DLG2: variants seen among roughly 807,000 people sequenced by gnomAD.
DLG2 encodes the protein discs large MAGUK scaffold protein 2.
A neutral mutation model predicts 132.5 loss-of-function variants in DLG2; 45 were observed. The observed-to-expected ratio is 0.34, with a 90% CI of 0.27 to 0.44. DLG2 has a LOEUF of 0.44. DLG2 is among the 20% of genes least tolerant of loss of function. The pLI is 1.00. For missense variants in DLG2, 1,045 were observed against 1,196.9 expected, an observed-to-expected ratio of 0.87 and a Z score of 1.87; for synonymous variants, 424 against 419.6, an observed-to-expected ratio of 1.01 and a Z score of -0.13.
intron 6 of DLG2, among the ~76,000 whole-genome samples, chr11:84,843,123 T>C (rs985462470): frequency 5.9e-5 from 9 of 152,002 alleles, no homozygotes; most frequent in Admixed American, 1.3e-4. Context: ...AGAAGATACA[T>C]CTTTAAAAGA....
chr11:84,740,582 T>G (rs1484470874), intron 6 of DLG2, among the ~76,000 whole-genome samples: 1 of 152,122 alleles, frequency 6.6e-6, no homozygotes, highest in Non-Finnish European at 1.5e-5. Context: ...TGGAGGCCAG[T>G]AGCTACTGCA....
intron 7 of DLG2, among the ~76,000 whole-genome samples, chr11:84,397,634 G>A (rs1567525150): frequency 6.6e-6 from 1 of 152,222 alleles, no homozygotes; most frequent in Non-Finnish European, 1.5e-5. Context: ...GCATGACTAT[G>A]TGGTCAACAG....
chr11:84,733,167 T>G (rs58399948), intron 6 of DLG2, among the ~76,000 whole-genome samples: 3,617 of 152,238 alleles, frequency 0.024, 54 homozygotes, highest in African/African-American at 0.033. Flanking sequence ...GTAATGGGAT[T>G]GCTGGGTCAA....
chr11:84,674,617 A>G (rs957339423), intron 6 of DLG2, among the ~76,000 whole-genome samples: 3 of 152,152 alleles, frequency 2.0e-5, no homozygotes, highest in African/African-American at 4.8e-5. Context: ...GACCACTGTG[A>G]CATGTTCTGT....
chr11:84,470,219 A>T (rs1228129500), intron 7 of DLG2, among the ~76,000 whole-genome samples: 2 of 151,720 alleles, frequency 1.3e-5, no homozygotes, highest in African/African-American at 2.4e-5. Flanking sequence ...ATCAGGAAAG[A>T]TAAGAGGAAA....
At chr11:85,579,605 G>C (rs1046563647) in intron 3 of DLG2, among the ~76,000 whole-genome samples, 2 of 152,130 alleles carry the variant, frequency 1.3e-5, no homozygotes, top group Admixed American at 6.6e-5. Context: ...TTGTACCTTG[G>C]GTGGAGAGTG....
chr11:84,308,506 G>A (rs1158677616), intron 7 of DLG2, among the ~76,000 whole-genome samples: 4 of 152,348 alleles, frequency 2.6e-5, no homozygotes, highest in African/African-American at 9.6e-5. Flanking sequence ...ATCCCGCACG[G>A]GGGCCACAGG....
intron 9 of DLG2, among the ~76,000 whole-genome samples, chr11:84,100,710 G>A (rs2092448422): frequency 6.6e-6 from 1 of 152,064 alleles, no homozygotes; most frequent in African/African-American, 2.4e-5. Context: ...AAAAAGAGAT[G>A]AGGACTATGA....
At chr11:83,471,170 G>A (rs962218956) in intron 24 of DLG2, among the ~76,000 whole-genome samples, 3 of 152,100 alleles carry the variant, frequency 2.0e-5, no homozygotes, top group Admixed American at 6.6e-5. Flanking sequence ...ACCTGGGACT[G>A]TCAACATGGG....
intron 3 of DLG2, among the ~76,000 whole-genome samples, chr11:85,517,692 C>A (rs557233308): frequency 1.3e-5 from 2 of 151,970 alleles, no homozygotes; most frequent in Non-Finnish European, 2.9e-5. Flanking sequence ...TCGCTCACTG[C>A]AGTCTTGAAT....
At chr11:85,132,258 A>AT (rs796815868) in intron 5 of DLG2, among the ~76,000 whole-genome samples, 19 of 152,216 alleles carry the variant, frequency 1.2e-4, no homozygotes, top group African/African-American at 4.1e-4. Context: ...GGGCCTTGAG[A>AT]TTTTTTTCCT....
intron 3 of DLG2, among the ~76,000 whole-genome samples, chr11:85,325,340 C>T (rs977749983): frequency 6.6e-6 from 1 of 152,004 alleles, no homozygotes; most frequent in Non-Finnish European, 1.5e-5. Context: ...AACAAAAAGA[C>T]AGCAGTAACC....
In DLG2 at chr11:84,873,897, G is replaced by A. The variant is rs1270854424; in HGVS notation, c.357+237764C>T. On this transcript the variant is annotated intron_variant, in intron 6 of 27. Transcript: ENST00000376104. ...AAAGATGACTAATGGTCTAATGACA[G>A]TCCACAAGATATGGAGCGGAATCAT... is the stretch of plus-strand genomic sequence containing the variant. 7.9e-5 allele frequency among the ~76,000 whole-genome samples: 12 copies of A among 152,216 alleles called. 1 individual carries two copies. The highest frequency in any genetic ancestry group is 2.6e-4 in the Admixed American group (4 of 15,290).
At chr11:84,452,034 G>A (rs1338096906) in intron 7 of DLG2, among the ~76,000 whole-genome samples, 1 of 151,588 alleles carries the variant, frequency 6.6e-6, no homozygotes, top group Non-Finnish European at 1.5e-5. Context: ...GTATATTCAT[G>A]TGAAATATGG....
rs544843595 is a variant in DLG2 at position 85,561,225 on chromosome 11, T to C, written c.40+37432A>G. Among the ~76,000 whole-genome samples, 13 of 145,486 alleles carry C rather than the reference T, an allele frequency of 8.9e-5. No homozygotes were observed. In the East Asian group the frequency reaches 2.5e-3, roughly 28 times the overall value. On this transcript the variant is annotated intron_variant, in intron 3 of 27. Coordinates refer to ENST00000376104, the MANE Select transcript of DLG2 (RefSeq NM_001142699.3). ...ATAAATAAACACGATTAGCCAGGCATGGTGGTTGAGACAGGAGGATCTCTT... is the reference window on the plus strand; with the variant it reads ...ATAAATAAACACGATTAGCCAGGCACGGTGGTTGAGACAGGAGGATCTCTT...
intron 11 of DLG2, among the ~76,000 whole-genome samples, chr11:84,008,142 ACT>A (rs1032753655): frequency 1.3e-5 from 2 of 151,760 alleles, no homozygotes; most frequent in Admixed American, 1.3e-4. Context: ...TATTTCTCAA[ACT>A]CTCTTAAAAT....
At chr11:85,570,037 C>T (rs1461772504) in intron 3 of DLG2, among the ~76,000 whole-genome samples, 2 of 152,148 alleles carry the variant, frequency 1.3e-5, no homozygotes, top group African/African-American at 4.8e-5. Flanking sequence ...TGAAAAACTA[C>T]CTAGTAGTTA....
At chr11:83,554,337 C>T (rs2096468703) in intron 19 of DLG2, among the ~76,000 whole-genome samples, 1 of 152,126 alleles carries the variant, frequency 6.6e-6, no homozygotes, top group Admixed American at 6.6e-5. Context: ...GACTTGGGAA[C>T]ACTTGTTTTG....
At chr11:84,040,356 C>T (rs2096031080) in intron 11 of DLG2, among the ~76,000 whole-genome samples, 2 of 152,132 alleles carry the variant, frequency 1.3e-5, no homozygotes, top group African/African-American at 4.8e-5. Flanking sequence ...GGTTTTAGGT[C>T]TAACGTTTAA....
Sources: allele counts gnomAD v4.1 joint callset (sites outside exome capture counted in the v4.1 genomes callset), GRCh38; gene constraint gnomAD v4.1.1; transcripts MANE v1.5; gene names NCBI Gene and HGNC (gene_info 2026-07-23, HGNC 2026-07-21).